LRMDA: variants seen among roughly 807,000 people sequenced by gnomAD.
LRMDA encodes the protein leucine rich melanocyte differentiation associated, also known as leucine-rich melanocyte differentiation-associated protein.
LRMDA carries 18 observed loss-of-function variants against 29.8 expected under a neutral mutation model. The observed-to-expected ratio is 0.60, with a 90% CI of 0.42 to 0.90. The LOEUF (loss-of-function observed/expected upper bound fraction) is 0.90. LRMDA is among the 40% of genes least tolerant of loss of function. The pLI, the probability that LRMDA is intolerant of heterozygous loss-of-function variation, is 0.00. For missense variants in LRMDA, 273 were observed against 273.9 expected (o/e 1.00, Z 0.02); for synonymous variants, 125 against 109.4 (o/e 1.14, Z -0.89).
At chr10:76,251,501 C>T (rs1852483271) in intron 5 of LRMDA, among the ~76,000 whole-genome samples, 1 of 151,642 alleles carries the variant, frequency 6.6e-6, no homozygotes. Context: ...ATCCACCCGC[C>T]TCGGCCTCCC....
chr10:75,902,259 T>C (rs893469707), intron 2 of LRMDA, among the ~76,000 whole-genome samples: 15 of 152,170 alleles, frequency 9.9e-5, no homozygotes, highest in Admixed American at 8.5e-4. Flanking sequence ...TTGCAGGCGC[T>C]AGAAATGCTT....
chr10:75,900,406 A>T (rs2038656), intron 2 of LRMDA, among the ~76,000 whole-genome samples: 124,215 of 152,154 alleles, frequency 0.82, 51,354 homozygotes, highest in East Asian at 0.98. Flanking sequence ...AGGAAACAAA[A>T]TTTTTAAAAA....
intron 2 of LRMDA, among the ~76,000 whole-genome samples, chr10:76,018,805 A>G (rs1333430117): frequency 1.3e-5 from 2 of 152,092 alleles, no homozygotes; most frequent in Non-Finnish European, 2.9e-5. Context: ...TTACCTCGTG[A>G]TCCACCTGTC....
At chr10:75,655,347 A>G (rs1362948631) in intron 2 of LRMDA, among the ~76,000 whole-genome samples, 1 of 152,246 alleles carries the variant, frequency 6.6e-6, no homozygotes, top group Non-Finnish European at 1.5e-5. Flanking sequence ...AGTGAAGCAC[A>G]AAGTTGGTAA....
At chr10:75,977,124 C>CTTTTTTTTTT (rs57497935) in intron 2 of LRMDA, among the ~76,000 whole-genome samples, 1 of 140,268 alleles carries the variant, frequency 7.1e-6, no homozygotes, top group African/African-American at 2.6e-5. Context: ...CTTTTCTTCC[C>CTTTTTTTTTT]TTTTTTTTTT....
At chr10:76,400,956 G>C (rs961535137) in intron 6 of LRMDA, among the ~76,000 whole-genome samples, 5 of 152,134 alleles carry the variant, frequency 3.3e-5, no homozygotes, top group Non-Finnish European at 7.4e-5. Context: ...ATGCTTACCT[G>C]TTGAGCATCC....
At chr10:76,344,630 A>T (rs2132423663) in intron 6 of LRMDA, among the ~76,000 whole-genome samples, 1 of 152,280 alleles carries the variant, frequency 6.6e-6, no homozygotes, top group Non-Finnish European at 1.5e-5. Context: ...GCCCTATTGG[A>T]TATCAAATAT....
At chr10:75,734,698 G>A (rs1240293899) in intron 2 of LRMDA, among the ~76,000 whole-genome samples, 2 of 152,194 alleles carry the variant, frequency 1.3e-5, no homozygotes, top group Non-Finnish European at 2.9e-5. Context: ...CCCCTCTGTG[G>A]CACCTGCCAT....
chr10:76,518,129 A>G (rs1056654796), intron 6 of LRMDA, among the ~76,000 whole-genome samples: 3 of 151,896 alleles, frequency 2.0e-5, no homozygotes, highest in Admixed American at 2.0e-4. Context: ...AAACCCAACT[A>G]TATATCCTTT....
chr10:76,057,474 A>G (rs1017091376), intron 4 of LRMDA, among the ~76,000 whole-genome samples: 3 of 152,256 alleles, frequency 2.0e-5, no homozygotes, highest in African/African-American at 4.8e-5. Flanking sequence ...CCTGCCTTCA[A>G]GAAGCTTACA....
At chr10:76,536,166 G>T in intron 6 of LRMDA, among the ~76,000 whole-genome samples, 1 of 152,016 alleles carries the variant, frequency 6.6e-6, no homozygotes, top group South Asian at 2.1e-4. Context: ...TCTCCTATAC[G>T]TAAGGGCATT....
chr10:76,396,057 G>T (rs1841779914), intron 6 of LRMDA, among the ~76,000 whole-genome samples: 1 of 152,184 alleles, frequency 6.6e-6, no homozygotes, highest in Non-Finnish European at 1.5e-5. Flanking sequence ...AAGGGCTTTA[G>T]CATCCTACCA....
chr10:75,474,340 T>C (rs1425421828), intron 2 of LRMDA, among the ~76,000 whole-genome samples: 2 of 152,198 alleles, frequency 1.3e-5, no homozygotes, highest in Non-Finnish European at 2.9e-5. Context: ...AGAAACTTAT[T>C]TCTCACAGTG....
intron 2 of LRMDA, among the ~76,000 whole-genome samples, chr10:75,659,888 G>C (rs796680458): frequency 9.0e-4 from 137 of 152,062 alleles, no homozygotes; most frequent in African/African-American, 3.3e-3. Flanking sequence ...GAAAACCAAG[G>C]CTTCCTCCTC....
chr10:75,637,762 C>T (rs895736170), intron 2 of LRMDA, among the ~76,000 whole-genome samples: 2 of 152,200 alleles, frequency 1.3e-5, no homozygotes, highest in East Asian at 1.9e-4. Context: ...CTCTGGGTCT[C>T]AGCTGTCTTC....
At chr10:76,461,126 A>T (rs1434373035) in intron 6 of LRMDA, among the ~76,000 whole-genome samples, 2 of 152,134 alleles carry the variant, frequency 1.3e-5, no homozygotes, top group East Asian at 3.9e-4. Flanking sequence ...TTATAACCAC[A>T]TTGTAGCAAA....
At chr10:76,000,783 A>G (rs1163655525) in intron 2 of LRMDA, among the ~76,000 whole-genome samples, 1 of 152,134 alleles carries the variant, frequency 6.6e-6, no homozygotes, top group Non-Finnish European at 1.5e-5. Context: ...CGTGCCCTGC[A>G]TTTGAGGGTT....
At chr10:75,609,386 G>T (rs1389184085) in intron 2 of LRMDA, among the ~76,000 whole-genome samples, 1 of 152,154 alleles carries the variant, frequency 6.6e-6, no homozygotes, top group Admixed American at 6.5e-5. Flanking sequence ...GTTTTTGAAA[G>T]TGACGTTTAA....
intron 2 of LRMDA, among the ~76,000 whole-genome samples, chr10:75,858,008 T>G (rs562708567): frequency 2.6e-5 from 4 of 152,360 alleles, no homozygotes; most frequent in Non-Finnish European, 5.9e-5. Context: ...GATTTATTTT[T>G]CTCAGGGCTT....
Sources: gnomAD v4.1 joint callset for allele counts (sites outside exome capture counted in the v4.1 genomes callset) on GRCh38, gnomAD v4.1.1 for gene constraint, MANE v1.5 for transcripts, NCBI Gene and HGNC (gene_info 2026-07-23, HGNC 2026-07-21) for gene names.